Variants in CNTNAP4 observed in about 807,000 individuals in gnomAD.
CNTNAP4 encodes contactin associated protein family member 4, also known as contactin-associated protein-like 4.
A neutral mutation model predicts 148.4 loss-of-function variants in CNTNAP4; 98 were observed. The ratio of observed to expected loss-of-function variants is 0.66; its 90% confidence interval spans 0.56 to 0.78. The LOEUF (loss-of-function observed/expected upper bound fraction) is 0.78, where lower values mean the gene tolerates loss of function less well. Ranked by LOEUF, CNTNAP4 falls within the 30% of genes least tolerant of loss-of-function variation. The pLI is 0.00. For missense variants in CNTNAP4, 1,935 were observed against 1,565.6 expected (o/e 1.24, Z -3.98); for synonymous variants, 730 against 565.1 (o/e 1.29, Z -4.14).
rs141550412 is a variant in CNTNAP4, at chr16:76,322,553, A to G, written c.196+6030A>G. Among the ~76,000 whole-genome samples, 115 of 152,324 alleles carry G rather than the reference A, an allele frequency of 7.5e-4. No individual in the cohort carries two copies. The Middle Eastern group carries it at 0.01, about 14-fold the overall frequency. On this transcript the variant is annotated intron_variant, in intron 2 of 23. Transcript: ENST00000611870. Reference sequence around the variant, plus strand: ...TTTTACTCCCTTAAGGATTGGCAAGATATTTCACCACCAAACTTTAATTTC... The same window carrying G: ...TTTTACTCCCTTAAGGATTGGCAAGGTATTTCACCACCAAACTTTAATTTC...
At chr16:76,328,509 C>A (rs1217437189) in intron 2 of CNTNAP4, among the ~76,000 whole-genome samples, 3 of 152,156 alleles carry the variant, frequency 2.0e-5, no homozygotes, top group Non-Finnish European at 4.4e-5. Flanking sequence ...ATGATGTAAC[C>A]TTTATGGGAT....
chr16:76,359,880 C>T (rs907337717), intron 3 of CNTNAP4, among the ~76,000 whole-genome samples: 2 of 152,090 alleles, frequency 1.3e-5, no homozygotes, highest in African/African-American at 4.8e-5. Flanking sequence ...GCTGAGATAT[C>T]GTGAAATCAA....
intron 3 of CNTNAP4, among the ~76,000 whole-genome samples, chr16:76,378,388 G>C (rs2015639647): frequency 6.6e-6 from 1 of 152,216 alleles, no homozygotes; most frequent in Non-Finnish European, 1.5e-5. Flanking sequence ...GTTCTTTGTA[G>C]TAGCCTTTGT....
At chr16:76,310,952 T>C (rs1166995519) in intron 1 of CNTNAP4, among the ~76,000 whole-genome samples, 1 of 152,166 alleles carries the variant, frequency 6.6e-6, no homozygotes, top group Middle Eastern at 3.2e-3. Context: ...TTAATTTTCC[T>C]AATTTAATTA....
Position 76,507,509 on chromosome 16 carries a change from C to T in CNTNAP4, c.2365+8815C>T, listed in dbSNP as rs1289342640. ...TCTGTACCTGGCTTATTTCACTTTA[C>T]ATAATGACCTCCAGTTCCATCCATA... On this transcript the variant is annotated intron_variant, in intron 15 of 23. Coordinates refer to ENST00000611870, the MANE Select transcript of CNTNAP4 (RefSeq NM_033401.5). Among the ~76,000 whole-genome samples the T allele has an allele frequency of 2.1e-5, 2 of 97,110 alleles. 1 individual carries two copies. The highest frequency in any genetic ancestry group is 5.2e-5 in the African/African-American group (2 of 38,802). The allele number at this position is 97,110 out of a possible 152,430, so 63.7% of individuals were successfully genotyped here.
chr16:76,492,949 C>CTTT lies in CNTNAP4; in HGVS notation c.2081-1949_2081-1947dup, dbSNP rs5817996. On this transcript the variant is annotated intron_variant, in intron 13 of 23. Transcript: ENST00000611870. ...CTTTAAGGCCAGTTGTGCTTGCACACTTTTTTTTTTTTTTAATGCTTCCCT... is the reference window on the plus strand; with the variant it reads ...CTTTAAGGCCAGTTGTGCTTGCACACTTTTTTTTTTTTTTTTTAATGCTTCCCT... Among the ~76,000 whole-genome samples the CTTT allele has an allele frequency of 5.7e-4, 85 of 148,654 alleles. No homozygotes were observed. In the South Asian group the frequency reaches 7.0e-3, roughly 12 times the overall value.
rs932447305 is a variant in CNTNAP4 at position 76,559,558 on chromosome 16, T to C, written c.*875T>C. ...TTCTTAACACAGCAAAAAATTATTA[T>C]TTAATTTACAACTGTAATACCTCAA... On this transcript the variant is annotated 3_prime_UTR_variant, in exon 24 of 24. Transcript: ENST00000611870. Among the ~76,000 whole-genome samples, 1 of 152,176 alleles carries C rather than the reference T, an allele frequency of 6.6e-6. No individual in the cohort carries two copies. Among genetic ancestry groups the C allele is most frequent in the Non-Finnish European group, 1.5e-5 (1 of 68,032 alleles).
intron 3 of CNTNAP4, among the ~76,000 whole-genome samples, chr16:76,412,257 T>G (rs74026766): frequency 0.03 from 4,572 of 151,534 alleles, 233 homozygotes; most frequent in African/African-American, 0.11. Flanking sequence ...TAATTGGACA[T>G]ATGAATTATA....
At position 76,416,139 on chromosome 16, in the gene CNTNAP4, C is replaced by G. The variant is rs557719353; in HGVS notation, c.391-11313C>G. Reference sequence around the variant, plus strand: ...CATTTGTGATATTGATAATTTGGGTCTTTTCTTTCCCTTTTTTCCCCCATA... The same window carrying G: ...CATTTGTGATATTGATAATTTGGGTGTTTTCTTTCCCTTTTTTCCCCCATA... On this transcript the variant is annotated intron_variant, in intron 3 of 23. Transcript: ENST00000611870. Among the ~76,000 whole-genome samples the G allele has an allele frequency of 5.3e-5, 8 of 151,140 alleles. No homozygotes were observed. The South Asian group carries it at 1.5e-3, about 27-fold the overall frequency.
intron 1 of CNTNAP4, among the ~76,000 whole-genome samples, chr16:76,300,245 A>G (rs10492883): frequency 0.03 from 4,574 of 152,240 alleles, 231 homozygotes; most frequent in African/African-American, 0.1. Context: ...AACACATTCC[A>G]TTGTTGCTTA....
intron 17 of CNTNAP4, among the ~76,000 whole-genome samples, chr16:76,529,046 A>C (rs192176431): frequency 5.3e-5 from 8 of 152,368 alleles, no homozygotes; most frequent in Admixed American, 4.6e-4. Context: ...ACATCAGCGT[A>C]ATGTGATAGA....
Position 76,489,816 on chromosome 16 carries a change from C to T in CNTNAP4, c.2013C>T (p.Asn671=), listed in dbSNP as rs1171362908. 1.2e-6 allele frequency: 2 copies of T among 1,606,002 alleles called. No individual in the cohort carries two copies. Among genetic ancestry groups the T allele is most frequent in the Non-Finnish European group, 1.7e-6 (2 of 1,175,630 alleles). The part of the protein sequence containing the change: ...ASMEQLQATI[N]RAEHCEQEFT... ...TGGAGCAACTTCAGGCCACTATTAA[C>T]CGTGCAGAGCACTGTGAACAGGAGT... The change falls in exon 13 of 24, where the codon AAC becomes AAT. Residue 671 remains asparagine (N), a synonymous_variant. Coordinates refer to ENST00000611870, the MANE Select transcript of CNTNAP4 (RefSeq NM_033401.5).
chr16:76,366,882 C>T (rs544331792), intron 3 of CNTNAP4, among the ~76,000 whole-genome samples: 1 of 152,220 alleles, frequency 6.6e-6, no homozygotes, highest in African/African-American at 2.4e-5. Context: ...AAGGATGTAT[C>T]TGCTTTTGAG....
At chr16:76,319,643 A>G (rs1396871854) in intron 2 of CNTNAP4, among the ~76,000 whole-genome samples, 1 of 152,166 alleles carries the variant, frequency 6.6e-6, no homozygotes, top group Non-Finnish European at 1.5e-5. Flanking sequence ...TGGTGTCCTT[A>G]TAAGGAGTGT....
At chr16:76,531,720 C>T (rs537994608) in intron 17 of CNTNAP4, among the ~76,000 whole-genome samples, 8 of 152,206 alleles carry the variant, frequency 5.3e-5, no homozygotes, top group South Asian at 2.1e-4. Flanking sequence ...ACATTAGCCA[C>T]GTTTTTCAAA....
chr16:76,524,764 A>G (rs543290421), intron 17 of CNTNAP4, among the ~76,000 whole-genome samples: 16 of 152,296 alleles, frequency 1.1e-4, no homozygotes, highest in African/African-American at 3.1e-4. Flanking sequence ...GTGTTATTCC[A>G]ATGTTGTATA....
At chr16:76,357,477 A>C (rs2012838913) in intron 3 of CNTNAP4, among the ~76,000 whole-genome samples, 1 of 152,174 alleles carries the variant, frequency 6.6e-6, no homozygotes. Context: ...ACTAGTCCAA[A>C]CCAGTAAAAG....
intron 1 of CNTNAP4, among the ~76,000 whole-genome samples, chr16:76,308,534 A>G (rs1025537632): frequency 5.9e-5 from 9 of 152,210 alleles, no homozygotes; most frequent in Admixed American, 2.6e-4. Flanking sequence ...TCACACCACA[A>G]AAGTTCCTTC....
At chr16:76,438,879 C>G (rs2079933531) in intron 4 of CNTNAP4, among the ~76,000 whole-genome samples, 2 of 152,156 alleles carry the variant, frequency 1.3e-5, no homozygotes, top group African/African-American at 2.4e-5. Context: ...GTAACCCTGT[C>G]CTTTCATTCC....
Sources: gnomAD v4.1 joint callset for allele counts (sites outside exome capture counted in the v4.1 genomes callset) on GRCh38, gnomAD v4.1.1 for gene constraint, MANE v1.5 for transcripts, NCBI Gene and HGNC (gene_info 2026-07-23, HGNC 2026-07-21) for gene names.